Variants in NPAS3 observed in about 807,000 individuals in gnomAD.
The protein encoded by NPAS3 is neuronal PAS domain-containing protein 3.
Under a neutral mutation model 73.1 loss-of-function variants are expected in NPAS3, and 14 were observed. The ratio of observed to expected loss-of-function variants is 0.19; its 90% CI spans 0.13 to 0.30. The LOEUF (loss-of-function observed/expected upper bound fraction) is 0.30, where lower values mean the gene tolerates loss of function less well. Ranked by LOEUF, NPAS3 falls within the 10% of genes least tolerant of loss-of-function variation. The pLI is 1.00. For synonymous variants in NPAS3, 620 were observed against 541.5 expected (o/e 1.14, Z -2.01); for missense variants, 1,096 against 1,250.0 (o/e 0.88, Z 1.86).
chr14:33,392,886 G>T (rs1594823685), intron 4 of NPAS3, among the ~76,000 whole-genome samples: 1 of 151,886 alleles, frequency 6.6e-6, no homozygotes. Flanking sequence ...TGTGAACTTG[G>T]TTAACAGCAG....
At chr14:33,328,375 TTTTA>T (rs1054883983) in intron 3 of NPAS3, among the ~76,000 whole-genome samples, 11 of 150,344 alleles carry the variant, frequency 7.3e-5, no homozygotes, top group Admixed American at 5.3e-4. Context: ...ATTAAAATAA[TTTTA>T]TTTGTTTTTC....
intron 7 of NPAS3, among the ~76,000 whole-genome samples, chr14:33,752,044 C>A (rs185173198): frequency 6.6e-6 from 1 of 152,064 alleles, no homozygotes; most frequent in African/African-American, 2.4e-5. Context: ...AAAAAATAAA[C>A]CTTTATATTC....
At position 33,365,783 on chromosome 14, in the gene NPAS3, G is replaced by A. The variant is rs971647446; in HGVS notation, c.386-1403G>A. On this transcript the variant is annotated intron_variant, in intron 3 of 11. Coordinates refer to ENST00000356141, the Ensembl canonical transcript of NPAS3. ...GGGTAAACTCCCTACTTTGCATAGC[G>A]CAATAATCACAAGTGCATTTATATT... 1.3e-4 allele frequency among the ~76,000 whole-genome samples: 20 copies of A among 152,118 alleles called. No homozygotes were observed. In the East Asian group the frequency reaches 1.4e-3, roughly 10 times the overall value.
At chr14:33,445,169 T>C (rs941053209) in intron 4 of NPAS3, among the ~76,000 whole-genome samples, 5 of 152,370 alleles carry the variant, frequency 3.3e-5, no homozygotes, top group Admixed American at 2.6e-4. Context: ...TTGTTCTCCA[T>C]GCATGAGTCA....
At chr14:33,708,448 T>C (rs2060721639) in intron 6 of NPAS3, among the ~76,000 whole-genome samples, 1 of 152,056 alleles carries the variant, frequency 6.6e-6, no homozygotes, top group African/African-American at 2.4e-5. Context: ...ATGGGGCAAG[T>C]GTTAAAATTA....
intron 2 of NPAS3, among the ~76,000 whole-genome samples, chr14:33,125,288 C>T (rs932842379): frequency 1.3e-5 from 2 of 151,998 alleles, no homozygotes; most frequent in African/African-American, 2.4e-5. Context: ...TATGATTTAA[C>T]TCTGAAGTGT....
chr14:33,624,647 G>T (rs2058172543), intron 5 of NPAS3, among the ~76,000 whole-genome samples: 1 of 150,614 alleles, frequency 6.6e-6, no homozygotes, highest in African/African-American at 2.4e-5. Flanking sequence ...TTGATACATA[G>T]AAAAAAGTTT....
chr14:33,315,518 GTGTT>G (rs1464240891), intron 3 of NPAS3, among the ~76,000 whole-genome samples: 2 of 151,444 alleles, frequency 1.3e-5, no homozygotes, highest in African/African-American at 2.4e-5. Flanking sequence ...GGGGGGGAGT[GTGTT>G]TGTGTGTGTG....
At chr14:33,735,967 C>T (rs918339455) in intron 7 of NPAS3, among the ~76,000 whole-genome samples, 7 of 152,204 alleles carry the variant, frequency 4.6e-5, no homozygotes, top group Non-Finnish European at 7.3e-5. Context: ...GCCTTCAAAT[C>T]TCAGGAAATT....
At chr14:33,726,587 C>T (rs1046346815) in intron 6 of NPAS3, among the ~76,000 whole-genome samples, 1 of 152,124 alleles carries the variant, frequency 6.6e-6, no homozygotes, top group Non-Finnish European at 1.5e-5. Context: ...ATGTGGCTCC[C>T]ATCACTCTCT....
chr14:33,152,036 C>T (rs999151704), intron 2 of NPAS3, among the ~76,000 whole-genome samples: 12 of 151,910 alleles, frequency 7.9e-5, no homozygotes, highest in African/African-American at 2.9e-4. Flanking sequence ...TGATTTTGCC[C>T]CTCCTGAGGA....
At chr14:33,426,831 G>T (rs1347741637) in intron 4 of NPAS3, among the ~76,000 whole-genome samples, 2 of 151,964 alleles carry the variant, frequency 1.3e-5, no homozygotes, top group East Asian at 3.9e-4. Context: ...ACTTTATCAT[G>T]GAAAGTTTGA....
intron 4 of NPAS3, among the ~76,000 whole-genome samples, chr14:33,413,653 C>A (rs931124041): frequency 6.6e-6 from 1 of 152,096 alleles, no homozygotes; most frequent in Non-Finnish European, 1.5e-5. Flanking sequence ...TGTCTAAGGA[C>A]TGGAAGCTAC....
chr14:33,635,023 C>A (rs142250087), intron 5 of NPAS3, among the ~76,000 whole-genome samples: 1 of 152,278 alleles, frequency 6.6e-6, no homozygotes, highest in East Asian at 1.9e-4. Context: ...GTTTGAGAAG[C>A]ACTGGTTTGA....
intron 2 of NPAS3, among the ~76,000 whole-genome samples, chr14:33,068,808 T>C (rs542632295): frequency 2.6e-5 from 4 of 152,156 alleles, no homozygotes; most frequent in Non-Finnish European, 4.4e-5. Context: ...CCAGGTAGAA[T>C]GGACAACCAC....
chr14:33,752,831 AT>A (rs564077728), intron 7 of NPAS3, among the ~76,000 whole-genome samples: 2 of 151,874 alleles, frequency 1.3e-5, no homozygotes, highest in Non-Finnish European at 2.9e-5. Context: ...TCTTTCTGAT[AT>A]TTTTTTTCAA....
chr14:33,255,435 T>C (rs1388637116), intron 3 of NPAS3, among the ~76,000 whole-genome samples: 1 of 152,144 alleles, frequency 6.6e-6, no homozygotes, highest in Non-Finnish European at 1.5e-5. Flanking sequence ...TTATAATAAT[T>C]ACGATATGAA....
intron 3 of NPAS3, among the ~76,000 whole-genome samples, chr14:33,297,573 T>C (rs2042352460): frequency 6.6e-6 from 1 of 152,188 alleles, no homozygotes; most frequent in African/African-American, 2.4e-5. Flanking sequence ...ATTTGGTAAA[T>C]TGATTGCTAG....
At chr14:33,265,960 A>T (rs537325353) in intron 3 of NPAS3, among the ~76,000 whole-genome samples, 54 of 151,500 alleles carry the variant, frequency 3.6e-4, no homozygotes, top group African/African-American at 1.2e-3. Flanking sequence ...GTATACTTAC[A>T]TATGTATATG....
Sources: gnomAD v4.1 joint callset for allele counts (sites outside exome capture counted in the v4.1 genomes callset) on GRCh38, gnomAD v4.1.1 for gene constraint, MANE v1.5 for transcripts, NCBI Gene and HGNC (gene_info 2026-07-23, HGNC 2026-07-21) for gene names.